Variants in FARP2 observed in about 807,000 individuals in gnomAD.
The protein encoded by FARP2 is FERM, ARH/RhoGEF and pleckstrin domain protein 2, also known as FERM, ARHGEF and pleckstrin domain-containing protein 2.
In FARP2, 111 loss-of-function variants were observed where a neutral mutation model predicts 130.5. That is an observed-to-expected ratio of 0.85 (90% CI 0.73 to 1.00). The LOEUF is 1.00. Ranked by LOEUF, FARP2 falls within the 50% of genes least tolerant of loss-of-function variation. The pLI is 0.00. For missense variants in FARP2, 1,385 were observed against 1,346.3 expected (o/e 1.03, Z -0.45); for synonymous variants, 504 against 516.9 (o/e 0.98, Z 0.34).
In FARP2 at chr2:241,453,768, G is replaced by GTTTTTTTTTT. The variant is rs1559786201; in HGVS notation, c.1412-2979_1412-2978insTTTTTTTTTT. Among the ~76,000 whole-genome samples, 3 of 99,896 alleles carry GTTTTTTTTTT rather than the reference G, an allele frequency of 3.0e-5. 1 individual carries two copies. The allele number at this position is 99,896 out of a possible 152,430, so 65.5% of individuals were successfully genotyped here. On this transcript the variant is annotated intron_variant, in intron 13 of 26. Transcript: ENST00000264042. ...TTGTTTACTGGGAGTGGCACTTACT[G>GTTTTTTTTTT]GTTTTTTTTTTTTTTTTTTTTTTTT...
At position 241,409,616 on chromosome 2, in the gene FARP2, C is replaced by G. The variant is rs528683281; in HGVS notation, c.411-1417C>G. 2.0e-5 allele frequency among the ~76,000 whole-genome samples: 3 copies of G among 152,204 alleles called. No homozygotes were observed. The East Asian group carries it at 5.8e-4, about 29-fold the overall frequency. ...TCCATTTACTCAGCACCTTATTCTCCGCATAAGTACGTATCTTTCAGATGA... is the reference window on the plus strand; with the variant it reads ...TCCATTTACTCAGCACCTTATTCTCGGCATAAGTACGTATCTTTCAGATGA... On this transcript the variant is annotated intron_variant, in intron 5 of 26. Transcript: ENST00000264042.
intron 1 of FARP2, among the ~76,000 whole-genome samples, chr2:241,368,163 G>A (rs546066198): frequency 2.6e-5 from 4 of 152,202 alleles, no homozygotes; most frequent in East Asian, 1.9e-4. Flanking sequence ...CACAAGAGCC[G>A]AGTTTGTAGT....
chr2:241,441,577 G>A lies in FARP2; in HGVS notation c.1411+21G>A, dbSNP rs55641294. 338 of 1,613,808 alleles carry A rather than the reference G, an allele frequency of 2.1e-4. 2 individuals carry two copies. In the African/African-American group the frequency reaches 3.8e-3, roughly 18 times the overall value. On this transcript the variant is annotated intron_variant, in intron 13 of 26. Coordinates refer to ENST00000264042, the MANE Select transcript of FARP2 (RefSeq NM_014808.4). ...TCCAGGTGTCGGGTTTTGTCATGTC[G>A]TGAGCAGCTGTGGTTCTGTCTGTGC...
At chr2:241,406,626 T>C (rs1017564516) in intron 4 of FARP2, among the ~76,000 whole-genome samples, 2 of 149,822 alleles carry the variant, frequency 1.3e-5, no homozygotes, top group African/African-American at 2.5e-5. Flanking sequence ...TGGGGTTTTT[T>C]TGGGGGGGAG....
At chr2:241,466,302 G>A (rs2064167741) in intron 17 of FARP2, 1 of 985,320 alleles carries the variant, frequency 1.0e-6, no homozygotes, top group Non-Finnish European at 1.2e-6. Context: ...GCTTGTCTTG[G>A]AAAGAGGGGC....
intron 13 of FARP2, chr2:241,445,358 C>G (rs1375760696): frequency 6.6e-6 from 1 of 152,108 alleles, no homozygotes; most frequent in East Asian, 1.9e-4. Context: ...GGGATTTAGA[C>G]ACGGAAGGGA....
rs2061181486 is a variant in FARP2 at position 241,361,327 on chromosome 2, C to T, written c.-25+4939C>T. Among the ~76,000 whole-genome samples, 4 of 152,078 alleles carry T rather than the reference C, an allele frequency of 2.6e-5. No homozygotes were observed. The South Asian group carries it at 8.3e-4, about 31-fold the overall frequency. On this transcript the variant is annotated intron_variant, in intron 1 of 26. Transcript: ENST00000264042. ...TGATAGTATTTCTAGAAGGAATACC[C>T]GCATTGAGATTGCTGGTAATCACCT... is the stretch of plus-strand genomic sequence containing the variant.
intron 8 of FARP2, among the ~76,000 whole-genome samples, chr2:241,419,184 A>C (rs192249127): frequency 1.8e-4 from 28 of 152,254 alleles, no homozygotes; most frequent in African/African-American, 6.7e-4. Context: ...GTCAGAAAAA[A>C]AATTAATTTT....
chr2:241,434,333 G>T lies in FARP2; in HGVS notation c.1031+12G>T. 1 of 1,581,080 alleles carries T rather than the reference G, an allele frequency of 6.3e-7. No homozygotes were observed. Among genetic ancestry groups the T allele is most frequent in the Non-Finnish European group, 8.6e-7 (1 of 1,168,250 alleles). On this transcript the variant is annotated intron_variant, in intron 10 of 26. Transcript: ENST00000264042. ...TCCTTCAGATACAGGTAGGGGCCATGCCGTGGCTTGCATGGGCCCCTCACT... is the reference window on the plus strand; with the variant it reads ...TCCTTCAGATACAGGTAGGGGCCATTCCGTGGCTTGCATGGGCCCCTCACT...
At chr2:241,359,920 T>C (rs1321026819) in intron 1 of FARP2, among the ~76,000 whole-genome samples, 2 of 152,164 alleles carry the variant, frequency 1.3e-5, no homozygotes, top group African/African-American at 4.8e-5. Context: ...CTCCTTGCAG[T>C]GGTGGTCATA....
chr2:241,406,627 T>C (rs963399455), intron 4 of FARP2, among the ~76,000 whole-genome samples: 10 of 140,804 alleles, frequency 7.1e-5, no homozygotes, highest in Admixed American at 6.3e-4. Flanking sequence ...GGGGTTTTTT[T>C]GGGGGGGAGA....
intron 2 of FARP2, among the ~76,000 whole-genome samples, chr2:241,400,321 G>C (rs6706421): frequency 0.016 from 2,418 of 152,326 alleles, 42 homozygotes; most frequent in African/African-American, 0.041. Context: ...GAGCAGTGGT[G>C]GACAGTCCGG....
At chr2:241,450,485 G>A (rs1269607809) in intron 13 of FARP2, among the ~76,000 whole-genome samples, 1 of 151,606 alleles carries the variant, frequency 6.6e-6, no homozygotes. Context: ...GGCCAACATG[G>A]TGAAACCCCG....
chr2:241,450,038 G>T (rs2063610251), intron 13 of FARP2, among the ~76,000 whole-genome samples: 2 of 151,580 alleles, frequency 1.3e-5, no homozygotes, highest in Admixed American at 1.3e-4. Context: ...ATCTGCCAGA[G>T]ATGCCCACTG....
intron 21 of FARP2, among the ~76,000 whole-genome samples, chr2:241,484,803 T>A (rs565432504): frequency 1.3e-5 from 2 of 152,334 alleles, no homozygotes; most frequent in Non-Finnish European, 2.9e-5. Flanking sequence ...GTGCTTTTTG[T>A]GTTCAATAGA....
chr2:241,418,581 G>A (rs1164806453), intron 8 of FARP2, among the ~76,000 whole-genome samples: 1 of 152,196 alleles, frequency 6.6e-6, no homozygotes, highest in Admixed American at 6.5e-5. Context: ...AACTAGAATA[G>A]AATAGAAAAT....
intron 20 of FARP2, chr2:241,483,858 C>T: frequency 1.0e-6 from 1 of 985,442 alleles, no homozygotes; most frequent in Non-Finnish European, 1.2e-6. Flanking sequence ...TACTGATGGC[C>T]CAATGGCCAG....
Position 241,492,882 on chromosome 2 carries a change from G to A in FARP2, c.2788-47G>A, listed in dbSNP as rs755595137. 7 of 1,100,076 alleles carry A rather than the reference G, an allele frequency of 6.4e-6. No individual in the cohort carries two copies. In the Middle Eastern group the frequency reaches 6.0e-4, roughly 94 times the overall value. 68.1% of individuals were successfully genotyped at this position (1,100,076 alleles called of 1,614,324 possible). A position where few individuals can be genotyped will look rare whatever the true frequency, so the allele number is the denominator to read the frequency against. ...GGGGAGCAAACCCACTCCCACAAGG[G>A]GTCCTGGGTGCTGGTTAATGCACCT... is the stretch of plus-strand genomic sequence containing the variant. On this transcript the variant is annotated intron_variant, in intron 24 of 26. Transcript: ENST00000264042.
At chr2:241,483,723 A>T (rs989419883) in intron 20 of FARP2, 190 bp downstream of exon 20, 2 of 885,758 alleles carry the variant, frequency 2.3e-6, no homozygotes, top group African/African-American at 3.6e-5. Context: ...AGAAGCAGAA[A>T]ACAGCTTCCC....
Sources: gnomAD v4.1 joint callset for allele counts (sites outside exome capture counted in the v4.1 genomes callset) on GRCh38, gnomAD v4.1.1 for gene constraint, MANE v1.5 for transcripts, NCBI Gene and HGNC (gene_info 2026-07-23, HGNC 2026-07-21) for gene names.